C10orf90: variants seen among roughly 807,000 people sequenced by gnomAD.
C10orf90 encodes the protein chromosome 10 open reading frame 90.
C10orf90 carries 56 observed loss-of-function variants against 62.5 expected under a neutral mutation model. That is an observed-to-expected ratio of 0.90 (90% CI 0.72 to 1.12). The LOEUF (loss-of-function observed/expected upper bound fraction) is 1.12. Ranked by LOEUF, C10orf90 falls within the 50% of genes most tolerant of loss-of-function variation. The pLI, the probability that C10orf90 is intolerant of heterozygous loss-of-function variation, is 0.00. For missense variants in C10orf90, 970 were observed against 880.4 expected, an observed-to-expected ratio of 1.10 and a Z score of -1.29; for synonymous variants, 386 against 340.4, an observed-to-expected ratio of 1.13 and a Z score of -1.47.
chr10:126,455,925 T>G (rs559193875), intron 7 of C10orf90, among the ~76,000 whole-genome samples: 26 of 152,216 alleles, frequency 1.7e-4, no homozygotes, highest in Non-Finnish European at 3.1e-4. Context: ...GGGACTGGCT[T>G]CTCTGGCATT....
Position 126,504,336 on chromosome 10 carries a change from G to A in C10orf90, c.1155C>T (p.Ser385=), listed in dbSNP as rs747764286. 11 of 1,614,050 alleles carry A rather than the reference G, an allele frequency of 6.8e-6. No homozygotes were observed. Among genetic ancestry groups the A allele is most frequent in the Middle Eastern group, 1.6e-4 (1 of 6,084 alleles). ...PQIASPKMHR[S]VLSLNLNCSS... ...TACAATTGAGGTTGAGCGACAGGACGGATCTGTGCATTTTGGGGCTGGCAA... is the reference window on the plus strand; with the variant it reads ...TACAATTGAGGTTGAGCGACAGGACAGATCTGTGCATTTTGGGGCTGGCAA... The change falls in exon 4 of 10, where the codon TCC becomes TCT. Residue 385 remains serine, a synonymous_variant. Coordinates refer to ENST00000488181, the MANE Select transcript of C10orf90 (RefSeq NM_001350921.2). This position sits in a 1 kb window ranked among gnomAD's most constrained non-coding sequence, Gnocchi z 4.1.
intron 7 of C10orf90, among the ~76,000 whole-genome samples, chr10:126,448,037 T>TC: frequency 7.2e-6 from 1 of 139,632 alleles, no homozygotes; most frequent in South Asian, 2.4e-4. Flanking sequence ...TTTTTTTTTT[T>TC]TTTTTTGTAT....
At chr10:126,440,945 C>T (rs1303429757) in intron 7 of C10orf90, among the ~76,000 whole-genome samples, 1 of 152,172 alleles carries the variant, frequency 6.6e-6, no homozygotes, top group Non-Finnish European at 1.5e-5. Flanking sequence ...TGAAAAGGAA[C>T]TCTGGTAATA....
At chr10:126,476,425 CATGAAA>C (rs1860871303) in intron 4 of C10orf90, among the ~76,000 whole-genome samples, 1 of 152,198 alleles carries the variant, frequency 6.6e-6, no homozygotes, top group Non-Finnish European at 1.5e-5. Flanking sequence ...GCACATGCCA[CATGAAA>C]ATAGTCACTA....
intron 2 of C10orf90, among the ~76,000 whole-genome samples, chr10:126,588,613 T>C (rs970220290): frequency 2.0e-5 from 3 of 151,892 alleles, no homozygotes; most frequent in African/African-American, 7.3e-5. Flanking sequence ...GCCTGACTAT[T>C]AAAAGAAAAG....
chr10:126,501,480 T>G lies in C10orf90; in HGVS notation c.1534+2477A>C, dbSNP rs1409596539. Among the ~76,000 whole-genome samples, 19 of 152,312 alleles carry G rather than the reference T, an allele frequency of 1.2e-4. No homozygotes were observed. The South Asian group carries it at 3.3e-3, about 27-fold the overall frequency. On this transcript the variant is annotated intron_variant, in intron 4 of 9. Transcript: ENST00000488181. Reference sequence around the variant, plus strand: ...CCCAGGGCTCTGTGGCTTTGGACTTTGCAACTGAGGGGTCCAGAATCCCAC... The same window carrying G: ...CCCAGGGCTCTGTGGCTTTGGACTTGGCAACTGAGGGGTCCAGAATCCCAC...
chr10:126,493,803 C>G (rs1390334953), intron 4 of C10orf90, among the ~76,000 whole-genome samples: 1 of 152,234 alleles, frequency 6.6e-6, no homozygotes, highest in Non-Finnish European at 1.5e-5. Context: ...GCTGCGCCAA[C>G]AGCCATGGTA....
chr10:126,448,390 G>A (rs1027431477), intron 7 of C10orf90, among the ~76,000 whole-genome samples: 42 of 151,910 alleles, frequency 2.8e-4, no homozygotes, highest in African/African-American at 9.2e-4. Flanking sequence ...AGTTCTAAGC[G>A]TGAAGTTTAT....
At chr10:126,431,813 TC>T (rs1357361549) in intron 7 of C10orf90, among the ~76,000 whole-genome samples, 2 of 152,178 alleles carry the variant, frequency 1.3e-5, no homozygotes, top group Admixed American at 1.3e-4. Context: ...TCAGTTTGTT[TC>T]TTTAGAGCAC....
intron 2 of C10orf90, among the ~76,000 whole-genome samples, chr10:126,570,046 A>T (rs938311896): frequency 1.3e-5 from 2 of 152,210 alleles, no homozygotes; most frequent in Admixed American, 1.3e-4. Flanking sequence ...TCTAAAAGAA[A>T]TGTCTCTTTA....
rs117843325 is a variant in C10orf90, at chr10:126,639,012, C to A, written c.313+7553G>T. ...TGGAATAACTTTACGCTGAGTAACT[C>A]TTAGACATGCGGGAATGACAATCAC... On this transcript the variant is annotated intron_variant, in intron 2 of 9. Transcript: ENST00000488181. 2.6e-5 allele frequency among the ~76,000 whole-genome samples: 4 copies of A among 152,336 alleles called. No individual in the cohort carries two copies. In the East Asian group the frequency reaches 7.7e-4, roughly 29 times the overall value.
intron 2 of C10orf90, among the ~76,000 whole-genome samples, chr10:126,580,584 C>T (rs768787677): frequency 9.4e-5 from 14 of 148,872 alleles, no homozygotes; most frequent in African/African-American, 2.5e-4. Flanking sequence ...ACCTGGGAGG[C>T]GGAGCTTGCA....
At chr10:126,441,185 A>G (rs1426214602) in intron 7 of C10orf90, among the ~76,000 whole-genome samples, 1 of 152,182 alleles carries the variant, frequency 6.6e-6, no homozygotes, top group East Asian at 1.9e-4. Context: ...AAGCATAAAG[A>G]AAAAACAATC....
At chr10:126,464,349 A>G (rs1210615432) in intron 5 of C10orf90, among the ~76,000 whole-genome samples, 1 of 152,214 alleles carries the variant, frequency 6.6e-6, no homozygotes, top group Admixed American at 6.5e-5. Flanking sequence ...GTCAACCCAG[A>G]GGACCTGCTG....
intron 2 of C10orf90, among the ~76,000 whole-genome samples, chr10:126,571,264 A>G (rs987752629): frequency 2.0e-5 from 3 of 152,226 alleles, no homozygotes; most frequent in Non-Finnish European, 4.4e-5. Flanking sequence ...AGAATCATTC[A>G]TTCTTGACCC....
chr10:126,527,169 A>G (rs1408740263), intron 2 of C10orf90, among the ~76,000 whole-genome samples: 1 of 152,192 alleles, frequency 6.6e-6, no homozygotes, highest in Non-Finnish European at 1.5e-5. Context: ...ACCATTTTGC[A>G]TTCCCACCAG....
chr10:126,644,796 C>T (rs1172205761), intron 2 of C10orf90, among the ~76,000 whole-genome samples: 1 of 152,170 alleles, frequency 6.6e-6, no homozygotes. Context: ...CCTCTGAGTG[C>T]TCTGAGGAAA....
intron 2 of C10orf90, among the ~76,000 whole-genome samples, chr10:126,575,692 T>G (rs979990073): frequency 6.6e-6 from 1 of 151,982 alleles, no homozygotes; most frequent in East Asian, 1.9e-4. Flanking sequence ...ACTACAAAGC[T>G]ATAGTAACCC....
At position 126,544,829 on chromosome 10, in the gene C10orf90, G is replaced by C. The variant is rs1321872646; in HGVS notation, c.314-30890C>G. Among the ~76,000 whole-genome samples, 3 of 78,884 alleles carry C rather than the reference G, an allele frequency of 3.8e-5. No homozygotes were observed. In the East Asian group the frequency reaches 1.0e-3, roughly 27 times the overall value. The allele number at this position is 78,884 out of a possible 152,430, so 51.8% of individuals were successfully genotyped here. On this transcript the variant is annotated intron_variant, in intron 2 of 9. Coordinates refer to ENST00000488181, the MANE Select transcript of C10orf90 (RefSeq NM_001350921.2). Reference sequence around the variant, plus strand: ...CTTGCCCTATCAATCCTGCCCATTTGTACTGCCAAAAGTGGTGGGGAGGAC... The same window carrying C: ...CTTGCCCTATCAATCCTGCCCATTTCTACTGCCAAAAGTGGTGGGGAGGAC...
Sources: gnomAD v4.1 joint callset for allele counts (sites outside exome capture counted in the v4.1 genomes callset) on GRCh38, gnomAD v4.1.1 for gene constraint, Gnocchi (gnomAD v3.1) non-coding constraint, MANE v1.5 for transcripts, NCBI Gene and HGNC (gene_info 2026-07-23, HGNC 2026-07-21) for gene names.